ARHGAP32: variants seen among roughly 807,000 people sequenced by gnomAD.
ARHGAP32 encodes the protein Rho GTPase activating protein 32, also known as rho GTPase-activating protein 32.
A neutral mutation model predicts 186.5 loss-of-function variants in ARHGAP32; 51 were observed. The ratio of observed to expected loss-of-function variants is 0.27; its 90% CI spans 0.22 to 0.35. The LOEUF is 0.35. ARHGAP32 is among the 10% of genes least tolerant of loss of function. The pLI, the probability that ARHGAP32 is intolerant of heterozygous loss-of-function variation, is 1.00. For missense variants in ARHGAP32, 2,186 were observed against 2,623.5 expected (o/e 0.83, Z 3.64); for synonymous variants, 950 against 964.3 (o/e 0.99, Z 0.27).
chr11:128,972,833 C>A lies in ARHGAP32; in HGVS notation c.3673G>T (p.Asp1225Tyr). ...DQSPPRFYSG[D>Y]QPPSYLGASV... Reference sequence around the variant, plus strand: ...GCACCAAGATAAGAAGGAGGCTGATCTCCACTGTAGAAACGGGGTGGAGAC... The same window carrying A: ...GCACCAAGATAAGAAGGAGGCTGATATCCACTGTAGAAACGGGGTGGAGAC... The change falls in exon 22 of 23, where the codon GAT (aspartate) becomes TAT (tyrosine). Residue 1225 changes from aspartate (D) to tyrosine (Y), a missense_variant. Physicochemically the swap from Asp to Tyr is radical, Grantham distance 160. Around this residue, in one of 5 missense-constraint regions of ARHGAP32, gnomAD observed 1,502 missense variants for 1,570.0 expected, o/e 0.96. Transcript: ENST00000682385. 1 of 1,613,994 alleles carries A rather than the reference C, an allele frequency of 6.2e-7. No individual in the cohort carries two copies. Among genetic ancestry groups the A allele is most frequent in the African/African-American group, 1.3e-5 (1 of 74,984 alleles).
chr11:129,227,492 A>G (rs1944801959), intron 1 of ARHGAP32, among the ~76,000 whole-genome samples: 1 of 151,810 alleles, frequency 6.6e-6, no homozygotes, highest in African/African-American at 2.4e-5. Context: ...AAAAAACTGA[A>G]CTAAACATGA....
At chr11:129,038,568 G>T (rs1939452119) in intron 11 of ARHGAP32, among the ~76,000 whole-genome samples, 1 of 151,880 alleles carries the variant, frequency 6.6e-6, no homozygotes, top group African/African-American at 2.4e-5. Context: ...TAAAGAATTT[G>T]TATCTAGAAT....
At chr11:129,182,295 T>C (rs1944073350) in intron 1 of ARHGAP32, among the ~76,000 whole-genome samples, 3 of 151,858 alleles carry the variant, frequency 2.0e-5, no homozygotes, top group South Asian at 2.1e-4. Context: ...TTTTCTACAG[T>C]AAAAAAAATA....
Position 129,074,304 on chromosome 11 carries a change from T to C in ARHGAP32, c.532-7436A>G, listed in dbSNP as rs567057526. Reference sequence around the variant, plus strand: ...ATATGTGTATGGAGGTATGTGTATATGTATATACTTATGTATGATTTCTAT... The same window carrying C: ...ATATGTGTATGGAGGTATGTGTATACGTATATACTTATGTATGATTTCTAT... On this transcript the variant is annotated intron_variant, in intron 6 of 22. Coordinates refer to ENST00000682385, the MANE Select transcript of ARHGAP32 (RefSeq NM_001378024.1). Among the ~76,000 whole-genome samples, 8 of 152,270 alleles carry C rather than the reference T, an allele frequency of 5.3e-5. No homozygotes were observed. The East Asian group carries it at 1.3e-3, about 26-fold the overall frequency.
chr11:129,213,455 C>T (rs1217466896), intron 1 of ARHGAP32, among the ~76,000 whole-genome samples: 1 of 152,110 alleles, frequency 6.6e-6, no homozygotes, highest in African/African-American at 2.4e-5. Flanking sequence ...GCAGCAGGTG[C>T]GTAACAGTAA....
At chr11:128,992,761 T>C (rs191265505) in intron 12 of ARHGAP32, among the ~76,000 whole-genome samples, 3 of 152,104 alleles carry the variant, frequency 2.0e-5, no homozygotes, top group African/African-American at 4.8e-5. Context: ...CACTCCAGCC[T>C]GGGCAACAAG....
rs1265196743 is a variant in ARHGAP32 at position 128,981,447 on chromosome 11, G to A, written c.1749C>T (p.Gly583=). The A allele has an allele frequency of 1.2e-6, 2 of 1,611,878 alleles. No individual in the cohort carries two copies. The highest frequency in any genetic ancestry group is 2.7e-5 in the African/African-American group (2 of 75,006). Residue 583 remains glycine, a synonymous_variant, in exon 17 of 23, where the codon GGC becomes GGT. Coordinates refer to ENST00000682385, the MANE Select transcript of ARHGAP32 (RefSeq NM_001378024.1). ...CCTCTTGCATGGCCATGCTGATTCTGCCGCTGAACAGCACATCAACGTGAT... is the reference window on the plus strand; with the variant it reads ...CCTCTTGCATGGCCATGCTGATTCTACCGCTGAACAGCACATCAACGTGAT... ...ILNHVDVLFS[G]RISMAMQEGA... is the part of the protein sequence containing the mutation.
intron 5 of ARHGAP32, among the ~76,000 whole-genome samples, chr11:129,117,557 T>C (rs534795516): frequency 3.3e-5 from 5 of 151,946 alleles, no homozygotes; most frequent in South Asian, 2.1e-4. Context: ...CATTTTCAAG[T>C]CCCTTGCAGG....
intron 1 of ARHGAP32, among the ~76,000 whole-genome samples, chr11:129,200,516 C>T (rs897561602): frequency 5.3e-5 from 8 of 152,154 alleles, no homozygotes; most frequent in African/African-American, 1.7e-4. Flanking sequence ...TCTGCTCCCA[C>T]ATAAGACATG....
chr11:129,067,193 C>A (rs2135160141), intron 6 of ARHGAP32, among the ~76,000 whole-genome samples: 1 of 151,902 alleles, frequency 6.6e-6, no homozygotes, highest in African/African-American at 2.4e-5. Context: ...AAGAAAAAAA[C>A]CATAGGTAGG....
chr11:129,223,214 C>A (rs563654100), intron 1 of ARHGAP32, among the ~76,000 whole-genome samples: 3 of 152,252 alleles, frequency 2.0e-5, no homozygotes, highest in African/African-American at 4.8e-5. Context: ...GGCTCAATAA[C>A]CACATATGGC....
At chr11:128,997,902 C>CA (rs960761417) in intron 12 of ARHGAP32, among the ~76,000 whole-genome samples, 12 of 151,586 alleles carry the variant, frequency 7.9e-5, no homozygotes, top group Admixed American at 1.3e-4. Context: ...TCTTTAAAAA[C>CA]AAAAAAAATT....
In ARHGAP32 at chr11:128,967,297, T is replaced by C. The variant is rs968424084; in HGVS notation, c.*1610A>G. 6.6e-6 allele frequency: 1 copy of C among 152,192 alleles called. No homozygotes were observed. Among genetic ancestry groups the C allele is most frequent in the Admixed American group, 6.5e-5 (1 of 15,284 alleles). 9.4% of individuals were successfully genotyped at this position (152,192 alleles called of 1,614,324 possible). A position where few individuals can be genotyped will look rare whatever the true frequency, so the allele number is the denominator to read the frequency against. Reference sequence around the variant, plus strand: ...CCTCTTAAAAGATTTCCTCCTTTGCTCTAAATAAAAATTAATTTCAAGTTC... The same window carrying C: ...CCTCTTAAAAGATTTCCTCCTTTGCCCTAAATAAAAATTAATTTCAAGTTC... On this transcript the variant is annotated 3_prime_UTR_variant, in exon 23 of 23. Transcript: ENST00000682385.
At chr11:129,250,859 CAT>C (rs1173918949) in intron 1 of ARHGAP32, among the ~76,000 whole-genome samples, 2 of 151,862 alleles carry the variant, frequency 1.3e-5, no homozygotes, top group Admixed American at 1.3e-4. Flanking sequence ...AACTAGCTTA[CAT>C]ATGTCATACC....
chr11:129,169,006 TAA>T (rs1027864749), intron 1 of ARHGAP32, among the ~76,000 whole-genome samples: 3 of 152,164 alleles, frequency 2.0e-5, no homozygotes, highest in African/African-American at 7.2e-5. Context: ...GGGATACAAC[TAA>T]AGAGGTATTT....
At position 128,970,971 on chromosome 11, in the gene ARHGAP32, C is replaced by T. The variant is rs1591483222; in HGVS notation, c.4242G>A (p.Glu1414=). The T allele has an allele frequency of 6.2e-7, 1 of 1,613,910 alleles. No individual in the cohort carries two copies. Among genetic ancestry groups the T allele is most frequent in the Non-Finnish European group, 8.5e-7 (1 of 1,179,998 alleles). Residue 1414 remains glutamate, a synonymous_variant, in exon 23 of 23, where the codon GAG becomes GAA. Transcript: ENST00000682385. The surrounding 1 kb of genome is among the most constrained non-coding windows in gnomAD (Gnocchi z 5.8). ...AGCCACAGGGATGCGCAGGGACAGA[C>T]TCGGCGCGCAGGTGCAGCAGCGGGA... ...ARVPLLHLRA[E]SVPAHPCGFP...
At chr11:129,277,190 A>C (rs921388783) in intron 1 of ARHGAP32, among the ~76,000 whole-genome samples, 1 of 152,232 alleles carries the variant, frequency 6.6e-6, no homozygotes, top group Non-Finnish European at 1.5e-5. Flanking sequence ...ATAAGTCAAG[A>C]GAGAACAAGC....
intron 12 of ARHGAP32, among the ~76,000 whole-genome samples, chr11:128,989,561 T>C (rs1038915763): frequency 2.0e-4 from 21 of 106,420 alleles, no homozygotes; most frequent in African/African-American, 6.8e-4. Flanking sequence ...CACACATACA[T>C]ATATCTTTTT....
chr11:129,230,675 A>G (rs928402918), intron 1 of ARHGAP32, among the ~76,000 whole-genome samples: 3 of 152,214 alleles, frequency 2.0e-5, no homozygotes, highest in African/African-American at 4.8e-5. Flanking sequence ...ATATTTCACA[A>G]TAAGTATGTG....
Sources: gnomAD v4.1 joint callset for allele counts (sites outside exome capture counted in the v4.1 genomes callset) on GRCh38, gnomAD v4.1.1 for gene constraint, gnomAD v4.1.1 regional missense constraint, Gnocchi (gnomAD v3.1) non-coding constraint, MANE v1.5 for transcripts, NCBI Gene and HGNC (gene_info 2026-07-23, HGNC 2026-07-21) for gene names.